The following NACAD variants were observed in gnomAD, a reference collection of about 807,000 sequenced individuals.
NACAD encodes the protein NAC-alpha domain-containing protein 1.
Under a neutral mutation model 98.9 loss-of-function variants are expected in NACAD, and 47 were observed. That is an observed-to-expected ratio of 0.48 (90% CI 0.38 to 0.61). NACAD has a LOEUF of 0.61. NACAD is among the 20% of genes least tolerant of loss of function. The probability of loss-of-function intolerance (pLI) is 0.00; values close to 1 mark genes in which losing one functional copy is unlikely to be tolerated. For synonymous variants in NACAD, 696 were observed against 767.2 expected, an observed-to-expected ratio of 0.91 and a Z score of 1.53; for missense variants, 1,412 against 1,748.2, an observed-to-expected ratio of 0.81 and a Z score of 3.43.
At position 45,088,814 on chromosome 7, in the gene NACAD, G is replaced by A; in HGVS notation, c.67+14C>T. On this transcript the variant is annotated intron_variant, in intron 1 of 7. Coordinates refer to ENST00000490531, the MANE Select transcript of NACAD (RefSeq NM_001146334.2). The surrounding 1 kb of genome is among the most constrained non-coding windows in gnomAD (Gnocchi z 5.7). ...GAGAGGCTGAAGGCAGGGAAAGAGT[G>A]GCCACGGCCTCACCTGTGCGGGGCC... 1 of 1,481,894 alleles carries A rather than the reference G, an allele frequency of 6.7e-7. No individual in the cohort carries two copies. The highest frequency in any genetic ancestry group is 2.8e-5 in the East Asian group (1 of 35,690). The allele number at this position is 1,481,894 out of a possible 1,614,324, so 91.8% of individuals were successfully genotyped here.
intron 1 of NACAD, among the ~76,000 whole-genome samples, chr7:45,087,326 A>G (rs976578261): frequency 2.0e-5 from 3 of 152,218 alleles, no homozygotes; most frequent in Non-Finnish European, 2.9e-5. Flanking sequence ...AATGCTCATA[A>G]GCTTCATTTT....
chr7:45,081,997 G>A, intron 2 of NACAD, 111 bp downstream of exon 2: 1 of 1,448,998 alleles, frequency 6.9e-7, no homozygotes, highest in Non-Finnish European at 9.2e-7. Context: ...TGGCTGTGGG[G>A]TCTGGGCCCC....
At position 45,085,598 on chromosome 7, in the gene NACAD, G is replaced by A. The variant is rs931048980; in HGVS notation, c.582C>T (p.His194=). ...CAGCCTCTGAGTCCCTGGCGTCCCC[G>A]TGGGGCCCACAGGCAGGAAGCAGGG... ...TYALLPACGP[H]GDARDSEAEL... The change falls in exon 2 of 8, where the codon CAC becomes CAT. Residue 194 remains histidine (H), a synonymous_variant. Transcript: ENST00000490531. The surrounding 1 kb of genome is among the most constrained non-coding windows in gnomAD (Gnocchi z 6.1). 8.4e-6 allele frequency: 13 copies of A among 1,549,834 alleles called. No homozygotes were observed. The highest frequency in any genetic ancestry group is 2.0e-5 in the Admixed American group (1 of 50,872).
chr7:45,087,684 G>A (rs1456589100), intron 1 of NACAD, among the ~76,000 whole-genome samples: 1 of 152,252 alleles, frequency 6.6e-6, no homozygotes, highest in Non-Finnish European at 1.5e-5. Context: ...GCCAAAACTT[G>A]TCACCCAAGG....
chr7:45,080,465 G>T lies in NACAD; in HGVS notation c.*44C>A, dbSNP rs1272335173. 3 of 1,551,374 alleles carry T rather than the reference G, an allele frequency of 1.9e-6. No individual in the cohort carries two copies. Among genetic ancestry groups the T allele is most frequent in the Non-Finnish European group, 2.6e-6 (3 of 1,146,854 alleles). On this transcript the variant is annotated 3_prime_UTR_variant, in exon 8 of 8. Coordinates refer to ENST00000490531, the MANE Select transcript of NACAD (RefSeq NM_001146334.2). ...AGGGACACCGATTTATTGAGTAGCAGAGCTGAGGGAAGGCGTAGGATGGCT... is the reference window on the plus strand; with the variant it reads ...AGGGACACCGATTTATTGAGTAGCATAGCTGAGGGAAGGCGTAGGATGGCT...
Position 45,085,234 on chromosome 7 carries a change from T to C in NACAD, c.946A>G (p.Ser316Gly). The C allele has an allele frequency of 6.4e-7, 1 of 1,551,444 alleles. No homozygotes were observed. The highest frequency in any genetic ancestry group is 8.7e-7 in the Non-Finnish European group (1 of 1,146,924). The change falls in exon 2 of 8, where the codon AGC becomes GGC. Residue 316 changes from serine to glycine, a missense_variant. Physicochemically the swap from Ser to Gly is moderately conservative, Grantham distance 56. This residue lies in a region of NACAD where 638 missense variants were observed against 722.7 expected (regional missense o/e 0.88). Transcript: ENST00000490531. The surrounding 1 kb of genome is among the most constrained non-coding windows in gnomAD (Gnocchi z 6.1). ...IPAALLPFQGSLIFQVEAVEV... is the reference protein window; with the variant it reads ...IPAALLPFQGGLIFQVEAVEV... ...ACTGCCTCCACCTGAAAGATGAGGC[T>C]GCCCTGGAAGGGTAGGAGGGCTGCG...
Position 45,081,597 on chromosome 7 carries a change from C to T in NACAD, c.4257+4G>A. ...TGAGGTCCCAGAGGGAGCCACCAGC[C>T]CACCTTTCGGGCCTTCTTCTCACTG... On this transcript the variant is annotated splice_donor_region_variant and intron_variant, in intron 4 of 7. Coordinates refer to ENST00000490531, the MANE Select transcript of NACAD (RefSeq NM_001146334.2). 6.4e-7 allele frequency: 1 copy of T among 1,551,330 alleles called. No homozygotes were observed. The highest frequency in any genetic ancestry group is 1.2e-5 in the South Asian group (1 of 84,064).
rs1784445380 is a variant in NACAD at position 45,082,450 on chromosome 7, C to T, written c.3730G>A (p.Glu1244Lys). 2 of 1,548,768 alleles carry T rather than the reference C, an allele frequency of 1.3e-6. No homozygotes were observed. Among genetic ancestry groups the T allele is most frequent in the East Asian group, 2.4e-5 (1 of 40,902 alleles). Residue 1244 changes from glutamate to lysine, a missense_variant, in exon 2 of 8, where the codon GAG becomes AAG. By Grantham distance (56) the Glu-to-Lys change is moderately conservative (BLOSUM62 1). This residue lies in a region of NACAD where 572 missense variants were observed against 639.6 expected (regional missense o/e 0.89). Transcript: ENST00000490531. This position sits in a 1 kb window ranked among gnomAD's most constrained non-coding sequence, Gnocchi z 4.5. ...TGGCACAGGCAGGGGGCTGGGGGCT[C>T]CAGTGGGGGTAGGGCTGCCCCAGCA... ...TLAGAALPPL[E>K]PPAPCLCQDP...
In NACAD at chr7:45,085,538, G is replaced by C; in HGVS notation, c.642C>G (p.Ala214=). 6.4e-7 allele frequency: 1 copy of C among 1,550,428 alleles called. No homozygotes were observed. The highest frequency in any genetic ancestry group is 8.7e-7 in the Non-Finnish European group (1 of 1,146,882). ...CCGTAATGTAGGAGCCCGAGGGTGAGGCGGGGGGCGAGTCCAGCAGCTCAT... is the reference window on the plus strand; with the variant it reads ...CCGTAATGTAGGAGCCCGAGGGTGACGCGGGGGGCGAGTCCAGCAGCTCAT... ...LRDELLDSPP[A]SPSGSYITAD... The change falls in exon 2 of 8, where the codon GCC becomes GCG. Residue 214 remains alanine, a synonymous_variant. Transcript: ENST00000490531. The surrounding 1 kb of genome is among the most constrained non-coding windows in gnomAD (Gnocchi z 6.1).
rs1337997087 is a variant in NACAD, at chr7:45,084,736, T to C, written c.1444A>G (p.Thr482Ala). 5.2e-6 allele frequency: 8 copies of C among 1,550,978 alleles called. No individual in the cohort carries two copies. The highest frequency in any genetic ancestry group is 7.0e-6 in the Non-Finnish European group (8 of 1,146,916). ...ACCTGCAGAGTGTGAGGGGTCACAG[T>C]GGCAGTGGACTCCTGGCCTAAAGCA... ...GLALGQESTA[T>A]VTPHTLQVAP... is the part of the protein sequence containing the mutation. Residue 482 changes from threonine to alanine, a missense_variant, in exon 2 of 8, where the codon ACT becomes GCT. By Grantham distance (58) the Thr-to-Ala change is moderately conservative (BLOSUM62 0). Transcript: ENST00000490531.
chr7:45,087,728 G>A (rs935931821), intron 1 of NACAD, among the ~76,000 whole-genome samples: 1 of 152,192 alleles, frequency 6.6e-6, no homozygotes, highest in Non-Finnish European at 1.5e-5. Context: ...CATCCAGGGG[G>A]TCCTGAGACA....
Position 45,083,045 on chromosome 7 carries a change from A to T in NACAD, c.3135T>A (p.Leu1045=). The T allele has an allele frequency of 6.4e-7, 1 of 1,550,878 alleles. No homozygotes were observed. Among genetic ancestry groups the T allele is most frequent in the Middle Eastern group, 1.7e-4 (1 of 5,992 alleles). ...SGAGEEIAEA[L]SRPGREACLE... The stretch of plus-strand genomic sequence containing the variant: ...GACATGCTTCCCGTCCAGGCCTAGA[A>T]AGGGCTTCTGCTATTTCCTCCCCAG... Residue 1045 remains leucine (L), a synonymous_variant, in exon 2 of 8, where the codon CTT becomes CTA. Coordinates refer to ENST00000490531, the MANE Select transcript of NACAD (RefSeq NM_001146334.2).
chr7:45,085,678 G>A lies in NACAD; in HGVS notation c.502C>T (p.Pro168Ser). 2 of 1,549,554 alleles carry A rather than the reference G, an allele frequency of 1.3e-6. No homozygotes were observed. Among genetic ancestry groups the A allele is most frequent in the East Asian group, 2.4e-5 (1 of 40,898 alleles). The change falls in exon 2 of 8, where the codon CCA becomes TCA. Residue 168 changes from proline to serine, a missense_variant. By Grantham distance (74) the Pro-to-Ser change is moderately conservative (BLOSUM62 -1). Coordinates refer to ENST00000490531, the MANE Select transcript of NACAD (RefSeq NM_001146334.2). This position sits in a 1 kb window ranked among gnomAD's most constrained non-coding sequence, Gnocchi z 6.1. ...GGCGTGAAGAAGGAATCAGGGTCTG[G>A]GGGAGGGGAAGGCACAGAAAGATCA... ...QGDLSVPSPP[P>S]DPDSFFTPPS...
chr7:45,081,496 TGATG>T lies in NACAD; in HGVS notation c.4257+101_4257+104del, dbSNP rs1784429467. ...TACTGGCATGGACCCAAAGGTCCCC[TGATG>T]GATGGGATTTCATTAGCCATGGAGT... On this transcript the variant is annotated intron_variant, in intron 4 of 7. Coordinates refer to ENST00000490531, the MANE Select transcript of NACAD (RefSeq NM_001146334.2). 6 of 1,424,514 alleles carry T rather than the reference TGATG, an allele frequency of 4.2e-6. No individual in the cohort carries two copies. The East Asian group carries it at 1.2e-4, about 29-fold the overall frequency. 88.2% of individuals were successfully genotyped at this position (1,424,514 alleles called of 1,614,324 possible).
chr7:45,081,487 A>G, intron 4 of NACAD, 114 bp downstream of exon 4: 1 of 1,380,794 alleles, frequency 7.2e-7, no homozygotes, highest in East Asian at 2.5e-5. Flanking sequence ...CATGGACCCA[A>G]AGGTCCCCTG....
chr7:45,084,834 G>T lies in NACAD; in HGVS notation c.1346C>A (p.Pro449His), dbSNP rs1015769543. The part of the protein sequence containing the change: ...GTVSWAVEAA[P>H]QTSDRGAYLS... The stretch of plus-strand genomic sequence containing the variant: ...ATAGGCCCCTCTGTCTGAGGTCTGA[G>T]GAGCAGCCTCCACGGCCCAGGACAC... Residue 449 changes from proline (P) to histidine (H), a missense_variant, in exon 2 of 8, where the codon CCT becomes CAT. Pro to His is a moderately conservative substitution (Grantham distance 77, BLOSUM62 -2). Around this residue, in one of 5 missense-constraint regions of NACAD, gnomAD observed 638 missense variants for 722.7 expected, o/e 0.88. Coordinates refer to ENST00000490531, the MANE Select transcript of NACAD (RefSeq NM_001146334.2). 5.8e-6 allele frequency: 9 copies of T among 1,550,730 alleles called. No individual in the cohort carries two copies. The highest frequency in any genetic ancestry group is 6.1e-6 in the Non-Finnish European group (7 of 1,146,832).
rs766770999 is a variant in NACAD, at chr7:45,080,879, T to TTCC, written c.4545_4547dup (p.Glu1517dup). 2.5e-5 allele frequency: 39 copies of TTCC among 1,556,244 alleles called. No individual in the cohort carries two copies. Among genetic ancestry groups the TTCC allele is most frequent in the Non-Finnish European group, 2.9e-5 (33 of 1,149,916 alleles). On this transcript the variant is annotated inframe_insertion, in exon 6 of 8. Transcript: ENST00000490531. The stretch of plus-strand genomic sequence containing the variant: ...CCCTGGAGCCCCTGCACTTCACCTC[T>TTCC]TCCTCCTCCTCCTCTTCCTCTTCCT...
chr7:45,084,226 CTG>C lies in NACAD; in HGVS notation c.1952_1953del (p.Thr651ArgfsTer20). The C allele has an allele frequency of 8.7e-7, 1 of 1,143,622 alleles. No homozygotes were observed. The highest frequency in any genetic ancestry group is 1.1e-6 in the Non-Finnish European group (1 of 893,860). The allele number at this position is 1,143,622 out of a possible 1,614,324, so 70.8% of individuals were successfully genotyped here. ...ACAGGCTTTGGGGCTGACGAGAGTT[CTG>C]TGTCTTGTAGGGGCAGAGGCGGTGT... ...VMTPPLPLQD[T>X]ELSSAPKPVA... On this transcript the variant is annotated frameshift_variant, in exon 2 of 8. Coordinates refer to ENST00000490531, the MANE Select transcript of NACAD (RefSeq NM_001146334.2). LOFTEE classifies it high-confidence loss of function.
chr7:45,087,471 A>C (rs1378070337), intron 1 of NACAD, among the ~76,000 whole-genome samples: 1 of 152,250 alleles, frequency 6.6e-6, no homozygotes, highest in Non-Finnish European at 1.5e-5. Context: ...CACAGGGGCC[A>C]GCTCTCCAGG....
Sources: gnomAD v4.1 joint callset for allele counts (sites outside exome capture counted in the v4.1 genomes callset) on GRCh38, gnomAD v4.1.1 for gene constraint, gnomAD v4.1.1 regional missense constraint, Gnocchi (gnomAD v3.1) non-coding constraint, MANE v1.5 for transcripts, NCBI Gene and HGNC (gene_info 2026-07-23, HGNC 2026-07-21) for gene names.